ADCY3: variants seen among roughly 807,000 people sequenced by gnomAD.
ADCY3 encodes adenylate cyclase 3.
In ADCY3, 70 loss-of-function variants were observed where a neutral mutation model predicts 119.4. That is an observed-to-expected ratio of 0.59 (90% CI 0.48 to 0.72). The LOEUF (loss-of-function observed/expected upper bound fraction) is 0.72. Ranked by LOEUF, ADCY3 falls within the 30% of genes least tolerant of loss-of-function variation. The pLI is 0.00. For missense variants in ADCY3, 1,238 were observed against 1,541.6 expected (o/e 0.80, Z 3.30); for synonymous variants, 672 against 621.4 (o/e 1.08, Z -1.21).
intron 16 of ADCY3, among the ~76,000 whole-genome samples, chr2:24,825,334 CGGGGGGGGGG>C (rs768838126): frequency 0.82 from 66,961 of 81,766 alleles, 26,392 homozygotes; most frequent in Admixed American, 0.87. Context: ...GTGGTTGTGG[CGGGGGGGGGG>C]GGGGTGCGGG....
At chr2:24,832,746 G>C (rs972837265) in intron 11 of ADCY3, among the ~76,000 whole-genome samples, 1 of 152,150 alleles carries the variant, frequency 6.6e-6, no homozygotes, top group African/African-American at 2.4e-5. Context: ...CCAGGTTCAC[G>C]TCTCCAACCC....
chr2:24,820,438 T>A, intron 21 of ADCY3: 1 of 1,323,490 alleles, frequency 7.6e-7, no homozygotes, highest in Non-Finnish European at 9.6e-7. Flanking sequence ...GTGGAGCTTT[T>A]CTGCCAGACG....
At chr2:24,855,979 C>T (rs755348918) in intron 3 of ADCY3, among the ~76,000 whole-genome samples, 4 of 152,194 alleles carry the variant, frequency 2.6e-5, no homozygotes, top group Non-Finnish European at 5.9e-5. Flanking sequence ...CAGCACTGTT[C>T]CCAGGGGCCC....
chr2:24,887,859 C>G (rs1294810531), intron 2 of ADCY3, among the ~76,000 whole-genome samples: 1 of 152,200 alleles, frequency 6.6e-6, no homozygotes, highest in Non-Finnish European at 1.5e-5. Flanking sequence ...GTAAAGAGCC[C>G]AGCATCAGAC....
chr2:24,910,867 G>A (rs763983541), intron 2 of ADCY3, among the ~76,000 whole-genome samples: 5 of 151,942 alleles, frequency 3.3e-5, no homozygotes, highest in Non-Finnish European at 5.9e-5. Flanking sequence ...GGATGGTCTC[G>A]ATCTCCTGAC....
At chr2:24,905,991 C>A (rs370865637) in intron 2 of ADCY3, among the ~76,000 whole-genome samples, 4 of 152,006 alleles carry the variant, frequency 2.6e-5, no homozygotes, top group Admixed American at 6.6e-5. Context: ...TTCACTACGC[C>A]GTAATTGTGA....
At chr2:24,869,169 A>G (rs899609046) in intron 3 of ADCY3, among the ~76,000 whole-genome samples, 5 of 152,204 alleles carry the variant, frequency 3.3e-5, no homozygotes, top group South Asian at 2.1e-4. Flanking sequence ...TTCAGTAATG[A>G]AAAAAAGGAA....
At chr2:24,889,972 C>T (rs996749445) in intron 2 of ADCY3, among the ~76,000 whole-genome samples, 2 of 152,188 alleles carry the variant, frequency 1.3e-5, no homozygotes, top group African/African-American at 4.8e-5. Flanking sequence ...TGCAAAGATG[C>T]CTTTTCTCAG....
rs1675170745 is a variant in ADCY3 at position 24,872,671 on chromosome 2, T to G, written c.724A>C (p.Met242Leu). 1 of 1,614,042 alleles carries G rather than the reference T, an allele frequency of 6.2e-7. No individual in the cohort carries two copies. Among genetic ancestry groups the G allele is most frequent in the African/African-American group, 1.3e-5 (1 of 74,924 alleles). The change falls in exon 3 of 22, where the codon ATG becomes CTG. Residue 242 changes from methionine to leucine, a missense_variant. Coordinates refer to ENST00000679454, the MANE Select transcript of ADCY3 (RefSeq NM_004036.5). This position sits in a 1 kb window ranked among gnomAD's most constrained non-coding sequence, Gnocchi z 4.4. ...LYLCAIAVGIMSYYMADRKHR... is the reference protein window; with the variant it reads ...LYLCAIAVGILSYYMADRKHR... The stretch of plus-strand genomic sequence containing the variant: ...TTGCGGTCAGCCATGTAGTAGGACA[T>G]GATGCCCACAGCGATGGCGCACAGG...
At chr2:24,820,392 T>C (rs1572760852) in intron 21 of ADCY3, 4 of 1,312,118 alleles carry the variant, frequency 3.0e-6, no homozygotes, top group African/African-American at 3.0e-5. Flanking sequence ...ACCTGGAAAC[T>C]GCCACTGCCT....
At chr2:24,873,089 T>G (rs1021146382) in intron 2 of ADCY3, among the ~76,000 whole-genome samples, 7 of 152,204 alleles carry the variant, frequency 4.6e-5, no homozygotes, top group Admixed American at 3.3e-4. Context: ...CTGCCACCCA[T>G]TCATTCCTTC....
intron 2 of ADCY3, among the ~76,000 whole-genome samples, chr2:24,879,502 A>C (rs936417411): frequency 2.6e-5 from 4 of 151,186 alleles, no homozygotes; most frequent in East Asian, 1.9e-4. Context: ...CATACCTCAC[A>C]CAGGGCTTGG....
chr2:24,851,816 C>G (rs1163477598), intron 3 of ADCY3, among the ~76,000 whole-genome samples: 2 of 152,180 alleles, frequency 1.3e-5, no homozygotes, highest in Non-Finnish European at 2.9e-5. Flanking sequence ...ATAACTGAAA[C>G]TCACCAACCA....
chr2:24,832,466 C>G (rs1669728663), intron 11 of ADCY3, among the ~76,000 whole-genome samples: 1 of 152,186 alleles, frequency 6.6e-6, no homozygotes, highest in Admixed American at 6.5e-5. Context: ...TCAACACATC[C>G]ACCTTAACCT....
At position 24,899,728 on chromosome 2, in the gene ADCY3, A is replaced by G. The variant is rs746764285; in HGVS notation, c.675+18585T>C. 5.9e-5 allele frequency among the ~76,000 whole-genome samples: 9 copies of G among 151,662 alleles called. No individual in the cohort carries two copies. The highest frequency in any genetic ancestry group is 1.3e-4 in the Non-Finnish European group (9 of 67,858). Reference sequence around the variant, plus strand: ...GTAGAGCTTTGCTTCCCCGATTTGCATAAGCTTATATAAAGAATGTATCTG... The same window carrying G: ...GTAGAGCTTTGCTTCCCCGATTTGCGTAAGCTTATATAAAGAATGTATCTG... On this transcript the variant is annotated intron_variant, in intron 2 of 21. Coordinates refer to ENST00000679454, the MANE Select transcript of ADCY3 (RefSeq NM_004036.5). This position sits in a 1 kb window ranked among gnomAD's most constrained non-coding sequence, Gnocchi z 4.5.
intron 3 of ADCY3, among the ~76,000 whole-genome samples, chr2:24,843,444 G>A (rs1671284775): frequency 6.6e-6 from 1 of 152,206 alleles, no homozygotes; most frequent in Non-Finnish European, 1.5e-5. Flanking sequence ...TGTTGCCCAA[G>A]CTGGTCTTGG....
chr2:24,838,366 T>G, intron 8 of ADCY3, 79 bp downstream of exon 8: 2 of 1,395,256 alleles, frequency 1.4e-6, no homozygotes, highest in Non-Finnish European at 1.9e-6. Flanking sequence ...TCTGCAATCT[T>G]TCCTTAATCT....
intron 2 of ADCY3, among the ~76,000 whole-genome samples, chr2:24,903,305 CATGTACAGTACAATTCCCTTTTTTG>C: frequency 6.6e-6 from 1 of 152,146 alleles, no homozygotes; most frequent in African/African-American, 2.4e-5. Flanking sequence ...TCCCCTTTTT[CATGTACAGTACAATTCCCTTTTTTG>C]GTGTACAGTT....
Position 24,834,508 on chromosome 2 carries a change from C to G in ADCY3, c.1944G>C (p.Leu648=), listed in dbSNP as rs960819009. ...CSCVVLLCTA[L]VEILIDPWLM... is the part of the protein sequence containing the mutation. ...ACCAGGGGTCGATGAGTATCTCGAC[C>G]AGGGCCGTGCAGAGCAGGACGACGC... is the stretch of plus-strand genomic sequence containing the variant. The change falls in exon 11 of 22, where the codon CTG becomes CTC. Residue 648 remains leucine (L), a synonymous_variant. Coordinates refer to ENST00000679454, the MANE Select transcript of ADCY3 (RefSeq NM_004036.5). The surrounding 1 kb of genome is among the most constrained non-coding windows in gnomAD (Gnocchi z 4.2). The G allele has an allele frequency of 6.2e-7, 1 of 1,612,672 alleles. No homozygotes were observed. Among genetic ancestry groups the G allele is most frequent in the Non-Finnish European group, 8.5e-7 (1 of 1,179,542 alleles).
Sources: gnomAD v4.1 joint callset for allele counts (sites outside exome capture counted in the v4.1 genomes callset) on GRCh38, gnomAD v4.1.1 for gene constraint, Gnocchi (gnomAD v3.1) non-coding constraint, MANE v1.5 for transcripts, NCBI Gene and HGNC (gene_info 2026-07-23, HGNC 2026-07-21) for gene names.